Variants in LRRK2 observed in about 807,000 individuals in gnomAD.
The protein encoded by LRRK2 is leucine rich repeat kinase 2.
In LRRK2, 203 loss-of-function variants were observed where a neutral mutation model predicts 302.6. The observed-to-expected ratio is 0.67, with a 90% confidence interval of 0.60 to 0.75. The LOEUF (loss-of-function observed/expected upper bound fraction) is 0.75, where lower values mean the gene tolerates loss of function less well. Among genes scored for constraint, LRRK2 ranks in the 30% least tolerant of loss-of-function variants. The pLI is 0.00. For missense variants in LRRK2, 2,830 were observed against 2,951.0 expected, an observed-to-expected ratio of 0.96 and a Z score of 0.95; for synonymous variants, 1,066 against 1,031.9, an observed-to-expected ratio of 1.03 and a Z score of -0.63.
At chr12:40,226,480 T>C (rs1196213615) in intron 2 of LRRK2, among the ~76,000 whole-genome samples, 2 of 152,220 alleles carry the variant, frequency 1.3e-5, no homozygotes, top group Non-Finnish European at 2.9e-5. Context: ...TGTTTCTTAA[T>C]GGTTGAGAGG....
intron 20 of LRRK2, among the ~76,000 whole-genome samples, chr12:40,289,549 ATAAT>A (rs1424497379): frequency 6.7e-6 from 1 of 149,006 alleles, no homozygotes; most frequent in Non-Finnish European, 1.5e-5. Context: ...TACATAAATA[ATAAT>A]TTATATAGAT....
intron 33 of LRRK2, among the ~76,000 whole-genome samples, chr12:40,317,745 G>A (rs952365767): frequency 6.6e-6 from 1 of 152,098 alleles, no homozygotes; most frequent in South Asian, 2.1e-4. Context: ...AGCTATTCAG[G>A]TTATGAGGTT....
intron 48 of LRRK2, 100 bp downstream of exon 48, chr12:40,363,654 G>C (rs554127257): frequency 7.4e-6 from 10 of 1,349,406 alleles, no homozygotes; most frequent in African/African-American, 1.5e-5. Flanking sequence ...TCTGAATAGA[G>C]AATTTTTTTA....
chr12:40,308,298 A>ACAG (rs1944907023), intron 28 of LRRK2, among the ~76,000 whole-genome samples, 169 bp from the exon 29 acceptor site: 1 of 152,178 alleles, frequency 6.6e-6, no homozygotes, highest in East Asian at 1.9e-4. Flanking sequence ...CTCTAGCAAA[A>ACAG]TATATGCATT....
At position 40,323,295 on chromosome 12, in the gene LRRK2, A is replaced by G. The variant is rs1306914015; in HGVS notation, c.5645A>G (p.Glu1882Gly). ...GAGTTGGAATTTGAACAAGCTCCAG[A>G]GTTTCTCCTAGGTAATTCTTTTTGT... ...NDELEFEQAP[E>G]FLLGDGSFGS... Residue 1882 changes from glutamate (E) to glycine (G), a missense_variant, in exon 38 of 51, where the codon GAG becomes GGG. Glu to Gly is a moderately conservative substitution (Grantham distance 98). Transcript: ENST00000298910. The G allele has an allele frequency of 6.2e-7, 1 of 1,611,800 alleles. No homozygotes were observed. Among genetic ancestry groups the G allele is most frequent in the East Asian group, 2.2e-5 (1 of 44,774 alleles).
At chr12:40,333,194 A>G (rs1287208679) in intron 39 of LRRK2, among the ~76,000 whole-genome samples, 1 of 151,960 alleles carries the variant, frequency 6.6e-6, no homozygotes, top group East Asian at 1.9e-4. Context: ...ACCAACTGAC[A>G]TGGGCATTAA....
intron 31 of LRRK2, among the ~76,000 whole-genome samples, chr12:40,312,347 G>A (rs751441558): frequency 2.0e-5 from 3 of 152,092 alleles, no homozygotes; most frequent in African/African-American, 7.2e-5. Context: ...ATAATGGTTT[G>A]AAAACTCATT....
intron 28 of LRRK2, 95 bp from the exon 29 acceptor site, chr12:40,308,372 T>G: frequency 1.1e-6 from 1 of 908,594 alleles, no homozygotes. Flanking sequence ...CTGGATACTA[T>G]ATTTTAGAAT....
intron 7 of LRRK2, among the ~76,000 whole-genome samples, chr12:40,246,670 G>C (rs944059309): frequency 3.3e-5 from 5 of 152,058 alleles, no homozygotes; most frequent in Non-Finnish European, 5.9e-5. Flanking sequence ...TGCTCTTTCA[G>C]AGGTGTTTGC....
chr12:40,348,564 T>G, intron 43 of LRRK2, 55 bp downstream of exon 43: 1 of 1,028,500 alleles, frequency 9.7e-7, no homozygotes. Flanking sequence ...CATATATGCA[T>G]ATATATATAA....
At chr12:40,341,231 G>A (rs1946033510) in intron 41 of LRRK2, among the ~76,000 whole-genome samples, 1 of 152,168 alleles carries the variant, frequency 6.6e-6, no homozygotes, top group Admixed American at 6.5e-5. Flanking sequence ...TATATAGTTA[G>A]TTATTTGTAA....
chr12:40,333,572 T>C (rs1005798775), intron 39 of LRRK2, among the ~76,000 whole-genome samples: 38 of 152,200 alleles, frequency 2.5e-4, no homozygotes, highest in African/African-American at 8.7e-4. Context: ...GAGAGGGTTG[T>C]TGCCATTGGA....
intron 11 of LRRK2, among the ~76,000 whole-genome samples, chr12:40,253,673 G>A (rs1245694692): frequency 6.6e-6 from 1 of 152,160 alleles, no homozygotes; most frequent in African/African-American, 2.4e-5. Context: ...CACTGTGCCC[G>A]GCCCAAATTA....
intron 44 of LRRK2, among the ~76,000 whole-genome samples, chr12:40,352,190 T>C (rs951900801): frequency 1.6e-4 from 25 of 152,026 alleles, no homozygotes; most frequent in African/African-American, 5.8e-4. Flanking sequence ...GTGGGGGTAG[T>C]GTAACTTTCA....
At chr12:40,265,586 A>C (rs1019536080) in intron 14 of LRRK2, among the ~76,000 whole-genome samples, 3 of 152,138 alleles carry the variant, frequency 2.0e-5, no homozygotes, top group Non-Finnish European at 4.4e-5. Flanking sequence ...CTCTGAGTGA[A>C]CATGTGCAGT....
chr12:40,310,388 G>C (rs1167146894), intron 30 of LRRK2, 43 bp from the exon 31 acceptor site: 2 of 1,598,738 alleles, frequency 1.3e-6, no homozygotes, highest in African/African-American at 2.7e-5. Context: ...AGCAGGCCCA[G>C]TTTGAAAGCA....
chr12:40,317,087 A>C (rs183662280), intron 33 of LRRK2, among the ~76,000 whole-genome samples: 2 of 152,188 alleles, frequency 1.3e-5, no homozygotes, highest in African/African-American at 4.8e-5. Flanking sequence ...GATTTTCACT[A>C]TGACTGCAAT....
chr12:40,322,253 T>G, intron 36 of LRRK2, 66 bp from the exon 37 acceptor site: 1 of 1,560,746 alleles, frequency 6.4e-7, no homozygotes, highest in Admixed American at 1.8e-5. Context: ...AAAAAAACTT[T>G]ACCTTAAAGC....
chr12:40,238,702 T>C (rs1462375394), intron 5 of LRRK2, among the ~76,000 whole-genome samples: 1 of 152,180 alleles, frequency 6.6e-6, no homozygotes, highest in East Asian at 1.9e-4. Flanking sequence ...TTAGCAATTA[T>C]TTTAAGAGCC....
Sources: gnomAD v4.1 joint callset for allele counts (sites outside exome capture counted in the v4.1 genomes callset) on GRCh38, gnomAD v4.1.1 for gene constraint, MANE v1.5 for transcripts, NCBI Gene and HGNC (gene_info 2026-07-23, HGNC 2026-07-21) for gene names.